SPMIP11: variants seen among roughly 807,000 people sequenced by gnomAD.
SPMIP11 encodes the protein sperm microtubule inner protein 11, also known as long intergenic non-protein coding RNA 935.
chr12:48,764,881 C>CTGA, the SPMIP11 span: 1 of 702,966 alleles, frequency 1.4e-6, no homozygotes, highest in Non-Finnish European at 2.6e-6. Flanking sequence ...ATCCCCTTGA[C>CTGA]TGATGCTCAG....
the SPMIP11 span, among the ~76,000 whole-genome samples, chr12:48,729,395 G>A: frequency 3.9e-5 from 6 of 152,084 alleles, no homozygotes; most frequent in Non-Finnish European, 7.4e-5. Flanking sequence ...ATAGCCGGGC[G>A]TGGTGGTGTG....
chr12:48,732,663 G>A, the SPMIP11 span, among the ~76,000 whole-genome samples: 3 of 151,578 alleles, frequency 2.0e-5, no homozygotes, highest in Non-Finnish European at 4.4e-5. Context: ...TCAGCTACTC[G>A]GGAGGCTGAG....
the SPMIP11 span, among the ~76,000 whole-genome samples, chr12:48,749,695 CTT>C: frequency 8.6e-6 from 1 of 116,640 alleles, no homozygotes; most frequent in African/African-American, 3.1e-5. Context: ...TCTTCTTCTT[CTT>C]TTTTTTTTTT....
chr12:48,733,829 G>A, the SPMIP11 span, among the ~76,000 whole-genome samples: 1 of 148,862 alleles, frequency 6.7e-6, no homozygotes, highest in Non-Finnish European at 1.5e-5. Context: ...GGAGTGCAGG[G>A]GCTCAGTCTC....
At chr12:48,762,838 C>T in the SPMIP11 span, among the ~76,000 whole-genome samples, 1 of 152,026 alleles carries the variant, frequency 6.6e-6, no homozygotes, top group African/African-American at 2.4e-5. Context: ...GTGGTAGTGT[C>T]CCATAGTTTT....
the SPMIP11 span, among the ~76,000 whole-genome samples, chr12:48,744,761 G>A: frequency 6.7e-6 from 1 of 149,320 alleles, no homozygotes; most frequent in Non-Finnish European, 1.5e-5. Context: ...AGATGGGGGA[G>A]GAGGAGGAAG....
the SPMIP11 span, among the ~76,000 whole-genome samples, chr12:48,757,570 C>G: frequency 6.6e-6 from 1 of 151,512 alleles, no homozygotes; most frequent in Non-Finnish European, 1.5e-5. Context: ...CGCTTGAACC[C>G]AGGAGGCAGA....
the SPMIP11 span, among the ~76,000 whole-genome samples, chr12:48,760,463 C>T: frequency 6.6e-6 from 1 of 152,100 alleles, no homozygotes; most frequent in Non-Finnish European, 1.5e-5. Flanking sequence ...CAGGTGTGAG[C>T]CACCACACCC....
the SPMIP11 span, chr12:48,764,962 C>T: frequency 1.4e-6 from 1 of 702,880 alleles, no homozygotes. Context: ...ATCCGGAGCC[C>T]ACGCCATTGT....
chr12:48,751,467 G>GT, the SPMIP11 span, among the ~76,000 whole-genome samples: 1 of 152,184 alleles, frequency 6.6e-6, no homozygotes, highest in African/African-American at 2.4e-5. Context: ...TTAGTCAGGT[G>GT]TATTGGCGCA....
the SPMIP11 span, chr12:48,727,463 G>A: frequency 1.4e-6 from 1 of 702,894 alleles, no homozygotes. Flanking sequence ...TTCCAGAAGA[G>A]GCCAGGGAGG....
At chr12:48,742,682 G>C in the SPMIP11 span, among the ~76,000 whole-genome samples, 1,949 of 151,750 alleles carry the variant, frequency 0.013, 43 homozygotes, top group African/African-American at 0.045. Context: ...TCAGGAGTTC[G>C]AGACCAGCGC....
the SPMIP11 span, chr12:48,770,901 A>C: frequency 1.2e-5 from 19 of 1,614,104 alleles, no homozygotes; most frequent in Non-Finnish European, 1.4e-5. Context: ...TTCAGCCCTG[A>C]GGCAGCCATG....
At chr12:48,738,924 C>CTT in the SPMIP11 span, among the ~76,000 whole-genome samples, 1,350 of 146,748 alleles carry the variant, frequency 9.2e-3, 16 homozygotes, top group African/African-American at 0.024. Context: ...CATATCAGAA[C>CTT]TTTTTTTTTT....
the SPMIP11 span, among the ~76,000 whole-genome samples, chr12:48,742,406 T>C: frequency 6.7e-6 from 1 of 149,370 alleles, no homozygotes; most frequent in South Asian, 2.2e-4. Context: ...CTCAGCCTCC[T>C]GAGTAGCTGG....
chr12:48,750,117 C>T, the SPMIP11 span, among the ~76,000 whole-genome samples: 2 of 151,768 alleles, frequency 1.3e-5, no homozygotes, highest in African/African-American at 4.8e-5. Context: ...TTTGGGAGGC[C>T]GAGGCAGGAA....
At chr12:48,732,979 G>A in the SPMIP11 span, among the ~76,000 whole-genome samples, 335 of 151,090 alleles carry the variant, frequency 2.2e-3, 2 homozygotes, top group African/African-American at 7.6e-3. Flanking sequence ...AGCCGAGACC[G>A]TGCCATTGCA....
chr12:48,764,447 G>A, the SPMIP11 span, among the ~76,000 whole-genome samples: 1 of 152,150 alleles, frequency 6.6e-6, no homozygotes, highest in South Asian at 2.1e-4. Context: ...AGAATTACTT[G>A]GAGTGAGCAA....
the SPMIP11 span, among the ~76,000 whole-genome samples, chr12:48,741,936 GCC>G: frequency 6.6e-6 from 1 of 152,152 alleles, no homozygotes; most frequent in Non-Finnish European, 1.5e-5. Flanking sequence ...ATTGCACCCA[GCC>G]AACTACCCTA....
Sources: allele counts gnomAD v4.1 joint callset (sites outside exome capture counted in the v4.1 genomes callset), GRCh38; gene constraint gnomAD v4.1.1; transcripts MANE v1.5; gene names NCBI Gene and HGNC (gene_info 2026-07-23, HGNC 2026-07-21).